The following VAV3 variants were observed in gnomAD, a reference collection of about 807,000 sequenced individuals.
VAV3 encodes the protein guanine nucleotide exchange factor VAV3.
A neutral mutation model predicts 131.2 loss-of-function variants in VAV3; 94 were observed. The observed-to-expected ratio is 0.72, with a 90% CI of 0.61 to 0.85. The LOEUF (loss-of-function observed/expected upper bound fraction) is 0.85. Among genes scored for constraint, VAV3 ranks in the 40% least tolerant of loss-of-function variants. VAV3 has a pLI of 0.00. For synonymous variants in VAV3, 349 were observed against 342.0 expected (o/e 1.02, Z -0.22); for missense variants, 939 against 1,002.7 (o/e 0.94, Z 0.86).
intron 21 of VAV3, among the ~76,000 whole-genome samples, chr1:107,616,250 T>C (rs1280118454): frequency 1.3e-5 from 2 of 152,146 alleles, no homozygotes; most frequent in African/African-American, 2.4e-5. Flanking sequence ...TGGAATACTA[T>C]ACAGCCATAA....
At chr1:107,856,744 G>A (rs778660358) in intron 2 of VAV3, among the ~76,000 whole-genome samples, 2 of 152,074 alleles carry the variant, frequency 1.3e-5, no homozygotes, top group African/African-American at 2.4e-5. Context: ...CAATTTCTAA[G>A]TATGAAGGAA....
intron 2 of VAV3, among the ~76,000 whole-genome samples, chr1:107,821,843 T>C (rs1438760315): frequency 6.6e-6 from 1 of 152,206 alleles, no homozygotes; most frequent in Non-Finnish European, 1.5e-5. Flanking sequence ...AGAGTCCAAT[T>C]AACAAGAGCA....
chr1:107,811,199 T>G (rs1238117271), intron 2 of VAV3, among the ~76,000 whole-genome samples: 5 of 152,172 alleles, frequency 3.3e-5, no homozygotes, highest in African/African-American at 1.2e-4. Flanking sequence ...GTCTTATCAT[T>G]CTGAAGCTGG....
intron 20 of VAV3, among the ~76,000 whole-genome samples, chr1:107,639,815 T>C (rs971819427): frequency 6.6e-6 from 1 of 151,930 alleles, no homozygotes; most frequent in African/African-American, 2.4e-5. Context: ...ATGCCTGTTG[T>C]TCCAACTACT....
chr1:107,632,859 C>T (rs1233082822), intron 20 of VAV3, among the ~76,000 whole-genome samples: 1 of 152,106 alleles, frequency 6.6e-6, no homozygotes, highest in Admixed American at 6.6e-5. Context: ...CCAGACATAC[C>T]CATATATATT....
intron 2 of VAV3, among the ~76,000 whole-genome samples, chr1:107,810,266 A>C (rs1391881475): frequency 6.6e-6 from 1 of 152,092 alleles, no homozygotes; most frequent in African/African-American, 2.4e-5. Context: ...GGGAGAGTTC[A>C]CATCTCTCCA....
intron 2 of VAV3, among the ~76,000 whole-genome samples, chr1:107,800,655 T>G (rs1020067435): frequency 1.3e-4 from 20 of 152,274 alleles, no homozygotes; most frequent in Admixed American, 1.3e-4. Flanking sequence ...ATAGTACCCA[T>G]TTACCTATTT....
Position 107,772,806 on chromosome 1 carries a change from A to T in VAV3, c.484T>A (p.Cys162Ser), listed in dbSNP as rs1665124515. 1.2e-6 allele frequency: 2 copies of T among 1,613,748 alleles called. No individual in the cohort carries two copies. Among genetic ancestry groups the T allele is most frequent in the African/African-American group, 1.3e-5 (1 of 75,032 alleles). Residue 162 changes from cysteine to serine, a missense_variant, in exon 5 of 27, where the codon TGT becomes AGT. By Grantham distance (112) the Cys-to-Ser change is moderately radical. Transcript: ENST00000370056. ...LVEDEEDLYD[C>S]VYGEDEGGEV... ...CCACCTTCATCTTCCCCATAAACAC[A>T]GTCATAGAGATCTTCTTCATCTTCC... is the stretch of plus-strand genomic sequence containing the variant.
At chr1:107,700,852 T>A (rs777791017) in intron 17 of VAV3, among the ~76,000 whole-genome samples, 2 of 152,214 alleles carry the variant, frequency 1.3e-5, no homozygotes, top group Non-Finnish European at 2.9e-5. Context: ...TATTTCTGGT[T>A]CTAGGTCTTT....
intron 1 of VAV3, among the ~76,000 whole-genome samples, chr1:107,962,134 CTA>C (rs1370721900): frequency 6.6e-6 from 1 of 152,186 alleles, no homozygotes; most frequent in Non-Finnish European, 1.5e-5. Flanking sequence ...AAAAAATAGT[CTA>C]TTTCAAATTA....
chr1:107,884,076 A>T (rs1443656824), intron 1 of VAV3, among the ~76,000 whole-genome samples: 3 of 151,818 alleles, frequency 2.0e-5, no homozygotes, highest in Non-Finnish European at 4.4e-5. Context: ...AGAAAGTAGC[A>T]CTCAACTATT....
intron 25 of VAV3, among the ~76,000 whole-genome samples, chr1:107,588,526 G>A (rs187849599): frequency 6.6e-5 from 10 of 152,304 alleles, no homozygotes; most frequent in Admixed American, 3.9e-4. Context: ...CTTCCCACAT[G>A]TGAGATGCTA....
intron 2 of VAV3, among the ~76,000 whole-genome samples, chr1:107,874,429 C>T (rs760641234): frequency 2.6e-5 from 4 of 152,100 alleles, no homozygotes; most frequent in African/African-American, 4.8e-5. Context: ...AGTCACCCAA[C>T]CAAGTATCAA....
chr1:107,634,247 C>G (rs1654732015), intron 20 of VAV3, among the ~76,000 whole-genome samples: 1 of 152,168 alleles, frequency 6.6e-6, no homozygotes, highest in South Asian at 2.1e-4. Context: ...GTAACCAAAA[C>G]AGCATGGTAC....
chr1:107,683,552 C>A lies in VAV3; in HGVS notation c.1732-19G>T. On this transcript the variant is annotated intron_variant, in intron 18 of 26. Transcript: ENST00000370056. ...TCCGTTTCTGTGCAGTAAAGTAAAA[C>A]AAAGCAAAACAAATATGTGTTGGTA... The A allele has an allele frequency of 6.2e-7, 1 of 1,613,028 alleles. No individual in the cohort carries two copies. The highest frequency in any genetic ancestry group is 8.5e-7 in the Non-Finnish European group (1 of 1,179,196).
intron 15 of VAV3, among the ~76,000 whole-genome samples, chr1:107,718,756 C>T (rs1661290183): frequency 6.6e-6 from 1 of 152,132 alleles, no homozygotes; most frequent in African/African-American, 2.4e-5. Context: ...CAAGACAATC[C>T]TAAACAAAAA....
At chr1:107,787,747 G>A (rs531315199) in intron 2 of VAV3, among the ~76,000 whole-genome samples, 1 of 152,258 alleles carries the variant, frequency 6.6e-6, no homozygotes, top group East Asian at 1.9e-4. Context: ...ATTAAAAGTG[G>A]ATATTTTTCA....
intron 2 of VAV3, among the ~76,000 whole-genome samples, chr1:107,871,977 A>G (rs2101012489): frequency 6.6e-6 from 1 of 152,316 alleles, no homozygotes; most frequent in East Asian, 1.9e-4. Context: ...TTCTTTCTAA[A>G]GTATAAGTAG....
chr1:107,667,505 T>G (rs1657495261), intron 19 of VAV3, among the ~76,000 whole-genome samples: 2 of 152,188 alleles, frequency 1.3e-5, no homozygotes, highest in Admixed American at 1.3e-4. Flanking sequence ...AGATGCAATT[T>G]TTACACAAAA....
Sources: allele counts gnomAD v4.1 joint callset (sites outside exome capture counted in the v4.1 genomes callset), GRCh38; gene constraint gnomAD v4.1.1; transcripts MANE v1.5; gene names NCBI Gene and HGNC (gene_info 2026-07-23, HGNC 2026-07-21).